Variants in GRIK5 observed in about 807,000 individuals in gnomAD.
GRIK5 encodes the protein glutamate receptor ionotropic, kainate 5.
In GRIK5, 43 loss-of-function variants were observed where a neutral mutation model predicts 97.4. The observed-to-expected ratio is 0.44, with a 90% CI of 0.35 to 0.57. The LOEUF is 0.57. Among genes scored for constraint, GRIK5 ranks in the 20% least tolerant of loss-of-function variants. The pLI, the probability that GRIK5 is intolerant of heterozygous loss-of-function variation, is 0.01. For missense variants in GRIK5, 1,015 were observed against 1,382.0 expected (o/e 0.73, Z 4.21); for synonymous variants, 580 against 583.5 (o/e 0.99, Z 0.09).
intron 5 of GRIK5, among the ~76,000 whole-genome samples, chr19:42,060,195 C>T (rs542757406): frequency 2.6e-4 from 40 of 151,216 alleles, no homozygotes; most frequent in African/African-American, 8.8e-4. Context: ...GCCCAGACTG[C>T]GGGAATTCAA....
chr19:42,062,869 G>A lies in GRIK5; in HGVS notation c.245-14C>T. 6.3e-7 allele frequency: 1 copy of A among 1,594,174 alleles called. No homozygotes were observed. The highest frequency in any genetic ancestry group is 8.6e-7 in the Non-Finnish European group (1 of 1,162,020). On this transcript the variant is annotated splice_polypyrimidine_tract_variant and intron_variant, in intron 3 of 19. Transcript: ENST00000593562. The surrounding 1 kb of genome is among the most constrained non-coding windows in gnomAD (Gnocchi z 5.3). ...AGATCTGACACACTGCGTGGGAAGGGGAAGAGACCGCAGAGTCAGGGACCC... is the reference window on the plus strand; with the variant it reads ...AGATCTGACACACTGCGTGGGAAGGAGAAGAGACCGCAGAGTCAGGGACCC...
chr19:42,032,900 C>G (rs1254983019), intron 12 of GRIK5, among the ~76,000 whole-genome samples: 7 of 152,328 alleles, frequency 4.6e-5, no homozygotes, highest in Admixed American at 6.5e-5. Flanking sequence ...CTAAATGGAC[C>G]ATTCAGTTTC....
chr19:42,042,925 T>A lies in GRIK5; in HGVS notation c.1270-170A>T. Reference sequence around the variant, plus strand: ...AAATGCTCAGAGTGGGGAATAGACCTGAAAGCCAGGGAAAAACACATGGGT... The same window carrying A: ...AAATGCTCAGAGTGGGGAATAGACCAGAAAGCCAGGGAAAAACACATGGGT... On this transcript the variant is annotated intron_variant, in intron 11 of 19. Coordinates refer to ENST00000593562, the MANE Select transcript of GRIK5 (RefSeq NM_002088.5). This position sits in a 1 kb window ranked among gnomAD's most constrained non-coding sequence, Gnocchi z 6.9. The A allele has an allele frequency of 1.6e-6, 1 of 615,966 alleles. No individual in the cohort carries two copies. Among genetic ancestry groups the A allele is most frequent in the Non-Finnish European group, 2.8e-6 (1 of 352,224 alleles). 38.2% of individuals were successfully genotyped at this position (615,966 alleles called of 1,614,324 possible). A position where few individuals can be genotyped will look rare whatever the true frequency, so the allele number is the denominator to read the frequency against.
Position 42,002,471 on chromosome 19 carries a change from G to C in GRIK5, c.2514+861C>G. Reference sequence around the variant, plus strand: ...CGGGTGGAGGGCACCTTTACTAGCAGCATGGACGGCTCCTTCAGAGGAGTC... The same window carrying C: ...CGGGTGGAGGGCACCTTTACTAGCACCATGGACGGCTCCTTCAGAGGAGTC... On this transcript the variant is annotated intron_variant, in intron 19 of 19. Transcript: ENST00000593562. This position sits in a 1 kb window ranked among gnomAD's most constrained non-coding sequence, Gnocchi z 5.2. 1 of 717,580 alleles carries C rather than the reference G, an allele frequency of 1.4e-6. No homozygotes were observed. Among genetic ancestry groups the C allele is most frequent in the Non-Finnish European group, 2.6e-6 (1 of 385,028 alleles). 44.5% of individuals were successfully genotyped at this position (717,580 alleles called of 1,614,324 possible).
At chr19:42,028,462 C>T (rs1599782226) in intron 12 of GRIK5, among the ~76,000 whole-genome samples, 2 of 152,246 alleles carry the variant, frequency 1.3e-5, no homozygotes, top group Admixed American at 1.3e-4. Flanking sequence ...GGGATTGCTC[C>T]TTCCTGTCTC....
intron 7 of GRIK5, 32 bp from the exon 8 acceptor site, chr19:42,056,855 G>A (rs2076193460): frequency 6.2e-7 from 1 of 1,613,744 alleles, no homozygotes; most frequent in African/African-American, 1.3e-5. Context: ...GAGGCCTGGG[G>A]CTAAGCCCTA....
At chr19:42,028,557 A>T (rs1215145005) in intron 12 of GRIK5, among the ~76,000 whole-genome samples, 1 of 152,210 alleles carries the variant, frequency 6.6e-6, no homozygotes, top group East Asian at 1.9e-4. Context: ...GCAGCTTCCC[A>T]ATATCTACAA....
Position 42,003,673 on chromosome 19 carries a change from G to A in GRIK5, c.2274C>T (p.Phe758=). The A allele has an allele frequency of 6.2e-7, 1 of 1,611,526 alleles. No homozygotes were observed. The highest frequency in any genetic ancestry group is 8.5e-7 in the Non-Finnish European group (1 of 1,178,684). Reference sequence around the variant, plus strand: ...GGATGGCCAGTGTGATCTCATCCCGGAACGGGGAGCCTGGGCAGGCACACG... The same window carrying A: ...GGATGGCCAGTGTGATCTCATCCCGAAACGGGGAGCCTGGGCAGGCACACG... ...YGIGMPLGSP[F]RDEITLAILQ... Residue 758 remains phenylalanine, a synonymous_variant, in exon 18 of 20, where the codon TTC becomes TTT. Transcript: ENST00000593562. This position sits in a 1 kb window ranked among gnomAD's most constrained non-coding sequence, Gnocchi z 4.2.
chr19:42,055,275 G>T (rs1463661255), intron 8 of GRIK5, among the ~76,000 whole-genome samples: 4 of 152,128 alleles, frequency 2.6e-5, no homozygotes, highest in African/African-American at 4.8e-5. Context: ...GTGCACAGGG[G>T]TACACACAAA....
chr19:42,063,265 C>A, intron 3 of GRIK5: 1 of 461,248 alleles, frequency 2.2e-6, no homozygotes, highest in Non-Finnish European at 4.3e-6. Flanking sequence ...CTGGAGCCTT[C>A]CCATACTCCA....
In GRIK5 at chr19:42,062,719, C is replaced by T. The variant is rs541396909; in HGVS notation, c.342+39G>A. On this transcript the variant is annotated intron_variant, in intron 4 of 19. Transcript: ENST00000593562. This position sits in a 1 kb window ranked among gnomAD's most constrained non-coding sequence, Gnocchi z 5.3. ...GCCCAGCCCTCGCCTCCCAGGGACC[C>T]GCTCCCCACAAAGCGCCGGCCCACA... The T allele has an allele frequency of 3.2e-5, 52 of 1,611,984 alleles. No individual in the cohort carries two copies. Among genetic ancestry groups the T allele is most frequent in the South Asian group, 6.6e-5 (6 of 91,032 alleles).
At chr19:42,068,757 G>T in intron 1 of GRIK5, 1 of 516,042 alleles carries the variant, frequency 1.9e-6, no homozygotes, top group Admixed American at 3.5e-5. Flanking sequence ...AAGTTGGGCA[G>T]AGTCAGAGAG....
intron 15 of GRIK5, among the ~76,000 whole-genome samples, chr19:42,017,883 G>A (rs1304346461): frequency 6.6e-6 from 1 of 152,156 alleles, no homozygotes; most frequent in Non-Finnish European, 1.5e-5. Flanking sequence ...GACAGCCTAG[G>A]AGCCACCTGG....
chr19:42,004,674 T>A (rs2075464273), intron 17 of GRIK5, among the ~76,000 whole-genome samples: 1 of 152,212 alleles, frequency 6.6e-6, no homozygotes, highest in Non-Finnish European at 1.5e-5. Context: ...CAGGCTGGCA[T>A]ACAGTGGCAT....
chr19:42,008,996 G>A (rs1227436037), intron 15 of GRIK5, among the ~76,000 whole-genome samples: 2 of 152,148 alleles, frequency 1.3e-5, no homozygotes, highest in Non-Finnish European at 1.5e-5. Context: ...GGAGGCCGAG[G>A]CAGGAGGATC....
rs774873387 is a variant in GRIK5, at chr19:42,054,328, G to A, written c.1048C>T (p.Leu350=). The stretch of plus-strand genomic sequence containing the variant: ...TCCCCGCTCGGGCTCACCATGCGCA[G>A]GTAGTTCATGAGGCTGGTCCCGTGG... ...WPHGTSLMNY[L]RMVEYDGLTG... The change falls in exon 9 of 20, where the codon CTG becomes TTG. Residue 350 remains leucine (L), a synonymous_variant. Transcript: ENST00000593562. 5.0e-6 allele frequency: 8 copies of A among 1,610,122 alleles called. No individual in the cohort carries two copies. The highest frequency in any genetic ancestry group is 6.8e-6 in the Non-Finnish European group (8 of 1,177,788).
intron 1 of GRIK5, chr19:42,068,852 C>T (rs1349417821): frequency 2.9e-6 from 2 of 682,642 alleles, no homozygotes; most frequent in East Asian, 2.8e-5. Context: ...GGGACAGGGC[C>T]AAGGCCCACC....
rs995779774 is a variant in GRIK5, at chr19:42,042,497, G to A, written c.1473+55C>T. 53 of 1,484,584 alleles carry A rather than the reference G, an allele frequency of 3.6e-5. No individual in the cohort carries two copies. Among genetic ancestry groups the A allele is most frequent in the African/African-American group, 6.9e-5 (5 of 72,570 alleles). The allele number at this position is 1,484,584 out of a possible 1,614,324, so 92.0% of individuals were successfully genotyped here. A position where few individuals can be genotyped will look rare whatever the true frequency, so the allele number is the denominator to read the frequency against. On this transcript the variant is annotated intron_variant, in intron 12 of 19. Transcript: ENST00000593562. The surrounding 1 kb of genome is among the most constrained non-coding windows in gnomAD (Gnocchi z 6.9). Reference sequence around the variant, plus strand: ...GGTTCGACTGGCTGCCCAGCTGCCCGCCCTCCCTCACTCGCCGGGTCCATG... The same window carrying A: ...GGTTCGACTGGCTGCCCAGCTGCCCACCCTCCCTCACTCGCCGGGTCCATG...
intron 1 of GRIK5, chr19:42,068,979 TA>T (rs1223734254): frequency 1.8e-6 from 1 of 570,614 alleles, no homozygotes; most frequent in Admixed American, 3.0e-5. Flanking sequence ...AGAGCCCAAG[TA>T]AGAGCAATCA....
Sources: gnomAD v4.1 joint callset for allele counts (sites outside exome capture counted in the v4.1 genomes callset) on GRCh38, gnomAD v4.1.1 for gene constraint, Gnocchi (gnomAD v3.1) non-coding constraint, MANE v1.5 for transcripts, NCBI Gene and HGNC (gene_info 2026-07-23, HGNC 2026-07-21) for gene names.